Variants in TRIM9 observed in about 807,000 individuals in gnomAD.
The protein encoded by TRIM9 is tripartite motif containing 9.
TRIM9 carries 26 observed loss-of-function variants against 78.3 expected under a neutral mutation model. The observed-to-expected ratio is 0.33, with a 90% CI of 0.24 to 0.46. The LOEUF (loss-of-function observed/expected upper bound fraction) is 0.46. Among genes scored for constraint, TRIM9 ranks in the 20% least tolerant of loss-of-function variants. The pLI is 1.00. For missense variants in TRIM9, 787 were observed against 1,036.4 expected, an observed-to-expected ratio of 0.76 and a Z score of 3.30; for synonymous variants, 398 against 416.5, an observed-to-expected ratio of 0.96 and a Z score of 0.54.
intron 5 of TRIM9, among the ~76,000 whole-genome samples, chr14:51,002,632 A>G (rs1394299337): frequency 1.3e-5 from 2 of 152,208 alleles, no homozygotes; most frequent in African/African-American, 4.8e-5. Context: ...TGTGCACTGA[A>G]TTAAATCTAT....
At chr14:51,031,814 C>G (rs1395824562) in intron 1 of TRIM9, among the ~76,000 whole-genome samples, 1 of 152,180 alleles carries the variant, frequency 6.6e-6, no homozygotes, top group African/African-American at 2.4e-5. Context: ...CTTCAGCAGG[C>G]CAAGGTTACC....
chr14:51,034,761 A>G (rs1334410583), intron 1 of TRIM9, among the ~76,000 whole-genome samples: 1 of 152,254 alleles, frequency 6.6e-6, no homozygotes. Flanking sequence ...AGCAGTTAAT[A>G]GCATGGATTC....
chr14:51,011,179 T>G (rs901116142), intron 3 of TRIM9, among the ~76,000 whole-genome samples: 14 of 152,318 alleles, frequency 9.2e-5, no homozygotes, highest in African/African-American at 2.9e-4. Context: ...AGGCTGCTCA[T>G]TTGCCAAGCT....
At chr14:50,982,227 G>A (rs1372241979) in intron 10 of TRIM9, 124 bp from the exon 11 acceptor site, 41 of 1,166,704 alleles carry the variant, frequency 3.5e-5, no homozygotes, top group Non-Finnish European at 3.7e-5. Flanking sequence ...GGAAGGAGGC[G>A]TCCAGGGCCA....
At chr14:50,983,870 T>C (rs1325056632) in intron 8 of TRIM9, among the ~76,000 whole-genome samples, 5 of 152,252 alleles carry the variant, frequency 3.3e-5, no homozygotes, top group Admixed American at 1.3e-4. Context: ...AAATTAAATA[T>C]AACTAAATGT....
chr14:50,978,465 G>T (rs1293957688), intron 12 of TRIM9, among the ~76,000 whole-genome samples: 1 of 152,104 alleles, frequency 6.6e-6, no homozygotes, highest in African/African-American at 2.4e-5. Context: ...CCCATGCAAG[G>T]CCCCTCATGC....
At chr14:50,977,991 ATAT>A (rs1327436762) in intron 12 of TRIM9, among the ~76,000 whole-genome samples, 4 of 151,968 alleles carry the variant, frequency 2.6e-5, no homozygotes, top group Admixed American at 2.6e-4. Flanking sequence ...ATCTAGTATA[ATAT>A]TCTTTGAAAG....
chr14:51,047,153 C>T (rs1003814871), intron 1 of TRIM9, among the ~76,000 whole-genome samples: 3 of 152,146 alleles, frequency 2.0e-5, no homozygotes, highest in African/African-American at 7.2e-5. Context: ...CATGAAGGTC[C>T]TATGTGGCTT....
intron 3 of TRIM9, among the ~76,000 whole-genome samples, chr14:51,014,741 A>G (rs2056966958): frequency 6.6e-6 from 1 of 152,234 alleles, no homozygotes; most frequent in East Asian, 1.9e-4. Flanking sequence ...TTATTTCTAC[A>G]TTGAGTTTTT....
chr14:51,042,040 G>A (rs1407828027), intron 1 of TRIM9, among the ~76,000 whole-genome samples: 1 of 152,212 alleles, frequency 6.6e-6, no homozygotes, highest in Non-Finnish European at 1.5e-5. Flanking sequence ...GCACAGGTCT[G>A]AGGGGGATGA....
chr14:51,033,931 C>T (rs2058935828), intron 1 of TRIM9, among the ~76,000 whole-genome samples: 1 of 152,094 alleles, frequency 6.6e-6, no homozygotes, highest in Non-Finnish European at 1.5e-5. Flanking sequence ...AGAATATACC[C>T]ATTGAATGTT....
At chr14:51,075,027 G>A (rs751178361) in intron 1 of TRIM9, among the ~76,000 whole-genome samples, 13 of 152,214 alleles carry the variant, frequency 8.5e-5, no homozygotes, top group Admixed American at 2.6e-4. Flanking sequence ...AGAGACTCTT[G>A]TCAGGAACTG....
At chr14:51,037,865 T>C (rs2059285399) in intron 1 of TRIM9, among the ~76,000 whole-genome samples, 1 of 152,122 alleles carries the variant, frequency 6.6e-6, no homozygotes, top group Admixed American at 6.5e-5. Flanking sequence ...AAAGCCGTTC[T>C]TGTTACATGT....
At chr14:51,045,059 A>G (rs966863666) in intron 1 of TRIM9, among the ~76,000 whole-genome samples, 4 of 79,320 alleles carry the variant, frequency 5.0e-5, no homozygotes, top group African/African-American at 9.0e-5. Flanking sequence ...AAAATATGGA[A>G]AAAAAAATCA....
intron 12 of TRIM9, 145 bp downstream of exon 12, chr14:50,979,242 T>C (rs775773944): frequency 5.0e-5 from 75 of 1,513,262 alleles, no homozygotes; most frequent in Non-Finnish European, 6.6e-5. Context: ...CCAGTGCTGA[T>C]CCCTTTCTCT....
intron 1 of TRIM9, among the ~76,000 whole-genome samples, chr14:51,066,698 C>T (rs369265735): frequency 6.6e-6 from 1 of 152,176 alleles, no homozygotes; most frequent in Non-Finnish European, 1.5e-5. Flanking sequence ...CAGTCTGCTG[C>T]GTGGTCAGAC....
intron 7 of TRIM9, chr14:50,997,842 C>A: frequency 3.6e-6 from 5 of 1,396,632 alleles, no homozygotes; most frequent in Non-Finnish European, 4.7e-6. Flanking sequence ...GCCATTGGAA[C>A]TGCCGATGTG....
In TRIM9 at chr14:51,094,404, G is replaced by C. The variant is rs907726100; in HGVS notation, c.536C>G (p.Thr179Ser). The change falls in exon 1 of 13, where the codon ACC becomes AGC. Residue 179 changes from threonine to serine, a missense_variant. By Grantham distance (58) the Thr-to-Ser change is moderately conservative (BLOSUM62 1). This residue lies in a region of TRIM9 where 352 missense variants were observed against 472.3 expected (regional missense o/e 0.75). Transcript: ENST00000684578. ...GACATCGCACTGTTCGCACATGACGGTGGCTTCCTTGGGCGCCTTCTCGCA... is the reference window on the plus strand; with the variant it reads ...GACATCGCACTGTTCGCACATGACGCTGGCTTCCTTGGGCGCCTTCTCGCA... ...QLCEKAPKEA[T>S]VMCEQCDVFY... is the part of the protein sequence containing the mutation. 4 of 1,613,848 alleles carry C rather than the reference G, an allele frequency of 2.5e-6. No individual in the cohort carries two copies. The African/African-American group carries it at 5.3e-5, about 22-fold the overall frequency.
intron 1 of TRIM9, among the ~76,000 whole-genome samples, chr14:51,075,180 G>C (rs1440051918): frequency 6.6e-6 from 1 of 152,086 alleles, no homozygotes; most frequent in Non-Finnish European, 1.5e-5. Flanking sequence ...CAAGGAGGTA[G>C]GCACAGGATC....
Sources: allele counts gnomAD v4.1 joint callset (sites outside exome capture counted in the v4.1 genomes callset), GRCh38; gene constraint gnomAD v4.1.1; regional missense constraint gnomAD v4.1.1; transcripts MANE v1.5; gene names NCBI Gene and HGNC (gene_info 2026-07-23, HGNC 2026-07-21).